PLXNA2: variants seen among roughly 807,000 people sequenced by gnomAD.
The protein encoded by PLXNA2 is plexin A2.
Under a neutral mutation model 193.5 loss-of-function variants are expected in PLXNA2, and 91 were observed. That is an observed-to-expected ratio of 0.47 (90% CI 0.40 to 0.56). The LOEUF is 0.56. Among genes scored for constraint, PLXNA2 ranks in the 20% least tolerant of loss-of-function variants. The pLI, the probability that PLXNA2 is intolerant of heterozygous loss-of-function variation, is 0.00. For synonymous variants in PLXNA2, 997 were observed against 1,027.3 expected (o/e 0.97, Z 0.56); for missense variants, 1,995 against 2,503.2 (o/e 0.80, Z 4.33).
chr1:208,237,966 C>T (rs947634769), intron 1 of PLXNA2, among the ~76,000 whole-genome samples: 2 of 152,212 alleles, frequency 1.3e-5, no homozygotes, highest in Admixed American at 1.3e-4. Flanking sequence ...TAAATGAATT[C>T]CAATTCCCGC....
intron 4 of PLXNA2, among the ~76,000 whole-genome samples, chr1:208,127,980 C>A (rs1668025750): frequency 6.6e-6 from 1 of 152,144 alleles, no homozygotes; most frequent in African/African-American, 2.4e-5. Flanking sequence ...GCACAGCCTG[C>A]CCATCTTGCA....
chr1:208,182,173 G>A (rs546678947), intron 3 of PLXNA2, among the ~76,000 whole-genome samples: 6 of 152,292 alleles, frequency 3.9e-5, no homozygotes, highest in South Asian at 2.1e-4. Context: ...AGTGGCTCAC[G>A]CCTGTAAACC....
chr1:208,050,899 C>A, intron 17 of PLXNA2, 110 bp downstream of exon 17: 1 of 748,392 alleles, frequency 1.3e-6, no homozygotes, highest in East Asian at 2.5e-5. Flanking sequence ...AGCCAGTTTT[C>A]CTCTCCAGTA....
At chr1:208,034,167 C>T (rs1020343343) in intron 27 of PLXNA2, among the ~76,000 whole-genome samples, 2 of 152,262 alleles carry the variant, frequency 1.3e-5, no homozygotes, top group African/African-American at 4.8e-5. Flanking sequence ...TCAGCCAGGA[C>T]AACAAGCATA....
chr1:208,170,436 G>C (rs146742187), intron 3 of PLXNA2, among the ~76,000 whole-genome samples: 195 of 152,298 alleles, frequency 1.3e-3, no homozygotes, highest in Non-Finnish European at 2.5e-3. Flanking sequence ...GGGGCGGGTG[G>C]ATCTGAACCA....
chr1:208,049,273 C>T (rs1665174569), intron 17 of PLXNA2, among the ~76,000 whole-genome samples: 3 of 151,650 alleles, frequency 2.0e-5, no homozygotes, highest in African/African-American at 7.3e-5. Context: ...AACAATAAAA[C>T]CTATATTTTA....
chr1:208,149,369 G>A (rs1668687502), intron 3 of PLXNA2, among the ~76,000 whole-genome samples: 1 of 152,004 alleles, frequency 6.6e-6, no homozygotes, highest in Admixed American at 6.6e-5. Flanking sequence ...TGTGGTGTGT[G>A]TATATGTGGT....
At chr1:208,040,178 G>C in intron 22 of PLXNA2, 120 bp from the exon 23 acceptor site, 1 of 766,872 alleles carries the variant, frequency 1.3e-6, no homozygotes, top group Non-Finnish European at 2.2e-6. Context: ...CAGGGCGGGA[G>C]TCAGGACACC....
chr1:208,165,147 TG>T (rs1250876747), intron 3 of PLXNA2, among the ~76,000 whole-genome samples: 1 of 151,920 alleles, frequency 6.6e-6, no homozygotes, highest in African/African-American at 2.4e-5. Flanking sequence ...GGCAGTCACC[TG>T]GCCTCCCTCC....
At chr1:208,192,485 A>G (rs1196818855) in intron 3 of PLXNA2, among the ~76,000 whole-genome samples, 1 of 152,080 alleles carries the variant, frequency 6.6e-6, no homozygotes, top group Non-Finnish European at 1.5e-5. Flanking sequence ...TCCTAACCCT[A>G]CTAGAAGAAA....
intron 3 of PLXNA2, among the ~76,000 whole-genome samples, chr1:208,198,020 GAC>G (rs1216264512): frequency 6.6e-6 from 1 of 152,180 alleles, no homozygotes; most frequent in Non-Finnish European, 1.5e-5. Context: ...TCAAGAAAAA[GAC>G]ACGCCACATC....
chr1:208,156,012 C>T (rs1421673092), intron 3 of PLXNA2, among the ~76,000 whole-genome samples: 2 of 152,166 alleles, frequency 1.3e-5, no homozygotes, highest in African/African-American at 2.4e-5. Flanking sequence ...AAAGGAGAGC[C>T]TATGTGGCTG....
rs76879153 is a variant in PLXNA2, at chr1:208,162,497, A to T, written c.1372-20034T>A. 2.3e-3 allele frequency among the ~76,000 whole-genome samples: 353 copies of T among 152,278 alleles called. 2 individuals carry two copies. The highest frequency in any genetic ancestry group is 7.9e-3 in the African/African-American group (329 of 41,554). ...CAAGGTGAGCCCTGAGGTCCTTTCTAGCTTTGGCCCTTTGTGCTTCTTTCT... is the reference window on the plus strand; with the variant it reads ...CAAGGTGAGCCCTGAGGTCCTTTCTTGCTTTGGCCCTTTGTGCTTCTTTCT... On this transcript the variant is annotated intron_variant, in intron 3 of 31. Transcript: ENST00000367033.
intron 29 of PLXNA2, chr1:208,031,367 C>T: frequency 7.1e-7 from 1 of 1,402,322 alleles, no homozygotes; most frequent in African/African-American, 1.4e-5. Context: ...AGGGTGCATC[C>T]TATTGCTGTG....
intron 1 of PLXNA2, among the ~76,000 whole-genome samples, chr1:208,221,709 G>T (rs1484057096): frequency 1.3e-5 from 2 of 152,128 alleles, no homozygotes; most frequent in African/African-American, 4.8e-5. Flanking sequence ...TGACTAAGTG[G>T]CTGTTCCAAG....
At chr1:208,070,019 C>T (rs986658870) in intron 12 of PLXNA2, among the ~76,000 whole-genome samples, 1 of 152,220 alleles carries the variant, frequency 6.6e-6, no homozygotes, top group Non-Finnish European at 1.5e-5. Context: ...GAAGGTTCCA[C>T]AGTGAGTGGG....
At chr1:208,114,191 C>T (rs1667572103) in intron 4 of PLXNA2, among the ~76,000 whole-genome samples, 1 of 152,188 alleles carries the variant, frequency 6.6e-6, no homozygotes, top group African/African-American at 2.4e-5. Context: ...GCCTCTTGGT[C>T]CCCAGCAACA....
rs1664980312 is a variant in PLXNA2, at chr1:208,044,328, T to G, written c.3874+180A>C. Among the ~76,000 whole-genome samples the G allele has an allele frequency of 6.6e-6, 1 of 152,192 alleles. No homozygotes were observed. Among genetic ancestry groups the G allele is most frequent in the African/African-American group, 2.4e-5 (1 of 41,442 alleles). The stretch of plus-strand genomic sequence containing the variant: ...CTGGGTCCTCATGCAGTGGGCATTC[T>G]TCATTGGACATCTCTGACCCTATAA... On this transcript the variant is annotated intron_variant, in intron 20 of 31. Transcript: ENST00000367033. This position sits in a 1 kb window ranked among gnomAD's most constrained non-coding sequence, Gnocchi z 4.9.
At chr1:208,238,769 C>T (rs1671948417) in intron 1 of PLXNA2, among the ~76,000 whole-genome samples, 1 of 152,212 alleles carries the variant, frequency 6.6e-6, no homozygotes, top group African/African-American at 2.4e-5. Flanking sequence ...TTGCTACTAC[C>T]TGAGAGTCTC....
Sources: gnomAD v4.1 joint callset for allele counts (sites outside exome capture counted in the v4.1 genomes callset) on GRCh38, gnomAD v4.1.1 for gene constraint, Gnocchi (gnomAD v3.1) non-coding constraint, MANE v1.5 for transcripts, NCBI Gene and HGNC (gene_info 2026-07-23, HGNC 2026-07-21) for gene names.